Variants in ENTPD5 observed in about 807,000 individuals in gnomAD.
ENTPD5 encodes nucleoside diphosphate phosphatase ENTPD5.
Under a neutral mutation model 60.2 loss-of-function variants are expected in ENTPD5, and 49 were observed. The observed-to-expected ratio is 0.81, with a 90% CI of 0.65 to 1.03. The LOEUF (loss-of-function observed/expected upper bound fraction) is 1.03. Among genes scored for constraint, ENTPD5 ranks in the 50% least tolerant of loss-of-function variants. The pLI is 0.00. For synonymous variants in ENTPD5, 187 were observed against 185.4 expected, an observed-to-expected ratio of 1.01 and a Z score of -0.07; for missense variants, 480 against 507.6, an observed-to-expected ratio of 0.95 and a Z score of 0.52.
chr14:74,002,243 AG>A (rs2058534032), intron 3 of ENTPD5, among the ~76,000 whole-genome samples: 1 of 152,186 alleles, frequency 6.6e-6, no homozygotes, highest in African/African-American at 2.4e-5. Context: ...GTTTAATTCC[AG>A]AGCCACAGTC....
intron 15 of ENTPD5, among the ~76,000 whole-genome samples, chr14:73,968,322 T>C (rs2057072561): frequency 6.6e-6 from 1 of 152,114 alleles, no homozygotes; most frequent in Admixed American, 6.6e-5. Flanking sequence ...TTAGAAATGC[T>C]TCGAAGGAAA....
At chr14:74,014,382 C>T (rs957302857) in intron 2 of ENTPD5, among the ~76,000 whole-genome samples, 3 of 108,326 alleles carry the variant, frequency 2.8e-5, no homozygotes, top group South Asian at 6.7e-4. Context: ...GTCTTTACTC[C>T]CCCCCCCCAC....
At chr14:74,017,456 G>A (rs1294144341) in intron 1 of ENTPD5, among the ~76,000 whole-genome samples, 1 of 151,642 alleles carries the variant, frequency 6.6e-6, no homozygotes, top group African/African-American at 2.4e-5. Context: ...GTGTGTGCCT[G>A]TAATCCCAGC....
At position 73,972,966 on chromosome 14, in the gene ENTPD5, A is replaced by C. The variant is rs770624562; in HGVS notation, c.945T>G (p.Leu315=). ...AEVLRVVRGK[L]HQPEEVQRGS... ...CTCTCTGGACCTCCTCTGGCTGGTG[A>C]AGTTTTCCTCGTACCACCCTCAGCA... The change falls in exon 13 of 16, where the codon CTT becomes CTG. Residue 315 remains leucine, a synonymous_variant. Coordinates refer to ENST00000334696, the MANE Select transcript of ENTPD5 (RefSeq NM_001249.5). 6.2e-6 allele frequency: 10 copies of C among 1,614,214 alleles called. No individual in the cohort carries two copies. The highest frequency in any genetic ancestry group is 5.1e-6 in the Non-Finnish European group (6 of 1,180,050).
downstream of ENTPD5, chr14:73,956,736 A>G (rs1457480084): frequency 6.6e-6 from 1 of 152,142 alleles, no homozygotes; most frequent in African/African-American, 2.4e-5. Context: ...GGAGTTCTTT[A>G]TATATTTTAA....
At position 73,997,421 on chromosome 14, in the gene ENTPD5, G is replaced by A. The variant is rs80155931; in HGVS notation, c.-70-9249C>T. On this transcript the variant is annotated intron_variant, in intron 3 of 15. Transcript: ENST00000334696. ...GAAAATTGGATAGGTGATTAGAAAG[G>A]TCCACCAAAAGGTCCAAAAAGAGTG... 1.5e-4 allele frequency among the ~76,000 whole-genome samples: 23 copies of A among 152,170 alleles called. No homozygotes were observed. The East Asian group carries it at 4.4e-3, about 29-fold the overall frequency.
chr14:74,003,561 T>C (rs1594941609), intron 3 of ENTPD5: 9 of 672,142 alleles, frequency 1.3e-5, no homozygotes, highest in South Asian at 1.2e-4. Context: ...GTTGTGGGAC[T>C]GCATGCTATT....
intron 3 of ENTPD5, among the ~76,000 whole-genome samples, chr14:73,991,767 A>T (rs1202756435): frequency 6.6e-6 from 1 of 151,900 alleles, no homozygotes; most frequent in Non-Finnish European, 1.5e-5. Context: ...GTCTCCAGAC[A>T]TTGCCAGCTG....
At chr14:74,002,460 TCTCA>T (rs1309525591) in intron 3 of ENTPD5, among the ~76,000 whole-genome samples, 2 of 152,166 alleles carry the variant, frequency 1.3e-5, no homozygotes, top group East Asian at 3.9e-4. Flanking sequence ...AGAGATGGAG[TCTCA>T]CTATGTTACC....
chr14:73,986,973 T>C (rs2057927266), intron 4 of ENTPD5, 80 bp from the exon 5 acceptor site: 7 of 1,074,276 alleles, frequency 6.5e-6, no homozygotes, highest in Non-Finnish European at 8.7e-6. Context: ...GCTCTGTCTC[T>C]GTAAGTTTTC....
At chr14:73,986,711 G>C (rs771463825) in intron 5 of ENTPD5, 103 bp downstream of exon 5, 6 of 811,866 alleles carry the variant, frequency 7.4e-6, no homozygotes, top group East Asian at 2.4e-5. Flanking sequence ...TCTCACACAT[G>C]ATCTCAATCT....
chr14:73,973,738 TG>T, intron 12 of ENTPD5, 138 bp downstream of exon 12: 1 of 691,922 alleles, frequency 1.4e-6, no homozygotes. Flanking sequence ...CATTAGTCCT[TG>T]GAGGCATGCC....
chr14:73,955,436 T>C, downstream of ENTPD5: 1 of 1,612,648 alleles, frequency 6.2e-7, no homozygotes, highest in Non-Finnish European at 8.5e-7. Context: ...GGTCTATAGA[T>C]CCTTTCTTTT....
chr14:73,955,660 A>G, downstream of ENTPD5: 1 of 1,383,832 alleles, frequency 7.2e-7, no homozygotes, highest in Non-Finnish European at 1.0e-6. Flanking sequence ...TCCCAGGAGA[A>G]TTTTCTTCTC....
At chr14:73,980,146 C>A (rs1054770036) in intron 6 of ENTPD5, among the ~76,000 whole-genome samples, 1 of 151,692 alleles carries the variant, frequency 6.6e-6, no homozygotes, top group Non-Finnish European at 1.5e-5. Context: ...AGGGTTTCAC[C>A]ATGTTGGCCA....
Position 74,006,722 on chromosome 14 carries a change from C to T in ENTPD5, c.-71+4369G>A, listed in dbSNP as rs151172891. On this transcript the variant is annotated intron_variant, in intron 3 of 15. Transcript: ENST00000334696. ...TGCCTTAGCCTCCTGACTAGCTAGA[C>T]TACAGGAATGAGCCACCATGCCCAG... 2.0e-4 allele frequency among the ~76,000 whole-genome samples: 31 copies of T among 151,506 alleles called. No homozygotes were observed. In the East Asian group the frequency reaches 6.0e-3, roughly 29 times the overall value.
At chr14:73,956,073 C>T (rs1300288506), downstream of ENTPD5, 15 of 1,205,882 alleles carry the variant, frequency 1.2e-5, no homozygotes, top group Non-Finnish European at 1.6e-5. Flanking sequence ...GCCTGTAATC[C>T]CAGCACTTTT....
intron 6 of ENTPD5, among the ~76,000 whole-genome samples, chr14:73,979,981 T>C (rs1216474835): frequency 7.0e-6 from 1 of 142,816 alleles, no homozygotes; most frequent in Admixed American, 7.0e-5. Flanking sequence ...AGTTTCACTC[T>C]TGTCACCCAG....
At chr14:73,970,510 G>A (rs73301440) in intron 14 of ENTPD5, among the ~76,000 whole-genome samples, 3,228 of 152,098 alleles carry the variant, frequency 0.021, 116 homozygotes, top group African/African-American at 0.074. Context: ...AAGGTAGGGG[G>A]AGAAGAAGAA....
Sources: allele counts gnomAD v4.1 joint callset (sites outside exome capture counted in the v4.1 genomes callset), GRCh38; gene constraint gnomAD v4.1.1; transcripts MANE v1.5; gene names NCBI Gene and HGNC (gene_info 2026-07-23, HGNC 2026-07-21).